TOX: variants seen among roughly 807,000 people sequenced by gnomAD.
TOX encodes the protein thymocyte selection-associated high mobility group box protein TOX.
Under a neutral mutation model 53.7 loss-of-function variants are expected in TOX, and 11 were observed. The observed-to-expected ratio is 0.20, with a 90% CI of 0.13 to 0.34. The LOEUF (loss-of-function observed/expected upper bound fraction) is 0.34, where lower values mean the gene tolerates loss of function less well. TOX is among the 10% of genes least tolerant of loss of function. The pLI, the probability that TOX is intolerant of heterozygous loss-of-function variation, is 1.00. For synonymous variants in TOX, 225 were observed against 245.3 expected (o/e 0.92, Z 0.77); for missense variants, 570 against 664.6 (o/e 0.86, Z 1.56).
chr8:58,969,126 C>A lies in TOX; in HGVS notation c.103-9118G>T, dbSNP rs1010419021. Among the ~76,000 whole-genome samples, 31 of 152,166 alleles carry A rather than the reference C, an allele frequency of 2.0e-4. 1 individual carries two copies. Among genetic ancestry groups the A allele is most frequent in the Non-Finnish European group, 1.5e-5 (1 of 68,028 alleles). ...GAAATAGACTTTTGGTGATTAAACT[C>A]TCCTGGGGTAAGACAGGTGTGGAAT... On this transcript the variant is annotated intron_variant, in intron 1 of 8. Coordinates refer to ENST00000361421, the MANE Select transcript of TOX (RefSeq NM_014729.3).
chr8:58,943,281 C>G (rs1812471999), intron 2 of TOX, among the ~76,000 whole-genome samples: 1 of 152,122 alleles, frequency 6.6e-6, no homozygotes, highest in Admixed American at 6.5e-5. Context: ...TGAAGGAAGT[C>G]ACAGCAGCAG....
intron 1 of TOX, among the ~76,000 whole-genome samples, chr8:59,100,673 G>C (rs1464535845): frequency 6.6e-6 from 1 of 152,076 alleles, no homozygotes; most frequent in African/African-American, 2.4e-5. Context: ...AATGCACAAC[G>C]ATGTTTACCT....
At chr8:58,953,608 T>G (rs1812660944) in intron 2 of TOX, among the ~76,000 whole-genome samples, 1 of 152,200 alleles carries the variant, frequency 6.6e-6, no homozygotes, top group Non-Finnish European at 1.5e-5. Flanking sequence ...AGTAATCATT[T>G]GAATGTTACA....
Position 58,914,826 on chromosome 8 carries a change from C to T in TOX, c.411+24476G>A, listed in dbSNP as rs374794447. On this transcript the variant is annotated intron_variant, in intron 3 of 8. Transcript: ENST00000361421. ...TCACTAGGGAGTGCCAGACAGTGGG[C>T]GCAGGCCAGTGTGTGCGCGCACCGT... Among the ~76,000 whole-genome samples the T allele has an allele frequency of 2.1e-3, 315 of 151,644 alleles. 1 individual carries two copies. The highest frequency in any genetic ancestry group is 4.2e-3 in the African/African-American group (175 of 41,266).
At chr8:59,046,121 G>C (rs1803677756) in intron 1 of TOX, among the ~76,000 whole-genome samples, 1 of 152,210 alleles carries the variant, frequency 6.6e-6, no homozygotes, top group African/African-American at 2.4e-5. Flanking sequence ...GCTAGCTGAT[G>C]ATTTTTACCC....
At chr8:59,085,194 T>C (rs1028497432) in intron 1 of TOX, among the ~76,000 whole-genome samples, 5 of 152,218 alleles carry the variant, frequency 3.3e-5, no homozygotes, top group Non-Finnish European at 5.9e-5. Context: ...TTCACTTTCA[T>C]GTGCAGATCA....
rs965340482 is a variant in TOX, at chr8:58,814,885, T to G, written c.1392+453A>C. 3.3e-5 allele frequency among the ~76,000 whole-genome samples: 5 copies of G among 152,348 alleles called. No homozygotes were observed. In the South Asian group the frequency reaches 1.0e-3, roughly 32 times the overall value. On this transcript the variant is annotated intron_variant, in intron 7 of 8. Transcript: ENST00000361421. Reference sequence around the variant, plus strand: ...GATTTGGTGTTGGACCTGATTTCATTTTTCAGCATTTATTGGACTCAAGAG... The same window carrying G: ...GATTTGGTGTTGGACCTGATTTCATGTTTCAGCATTTATTGGACTCAAGAG...
intron 3 of TOX, among the ~76,000 whole-genome samples, chr8:58,908,901 CT>C (rs1292339665): frequency 1.3e-5 from 2 of 152,148 alleles, no homozygotes; most frequent in Non-Finnish European, 2.9e-5. Flanking sequence ...AAAGTATTTT[CT>C]TATATGAAGT....
At chr8:59,012,118 C>T (rs1348807508) in intron 1 of TOX, among the ~76,000 whole-genome samples, 1 of 152,112 alleles carries the variant, frequency 6.6e-6, no homozygotes, top group African/African-American at 2.4e-5. Flanking sequence ...CCTTTTGTCT[C>T]TTTGATGTGG....
intron 1 of TOX, among the ~76,000 whole-genome samples, chr8:59,073,233 C>A (rs9792192): frequency 6.6e-6 from 1 of 151,990 alleles, no homozygotes; most frequent in Non-Finnish European, 1.5e-5. Flanking sequence ...CCTCTATCTG[C>A]GCTTCTGTTT....
intron 3 of TOX, among the ~76,000 whole-genome samples, chr8:58,869,846 C>T (rs1439509626): frequency 1.3e-5 from 2 of 151,304 alleles, no homozygotes; most frequent in African/African-American, 4.9e-5. Context: ...TCTATAGATG[C>T]AGTAAAAACA....
chr8:58,991,944 A>T (rs1442571065), intron 1 of TOX: 1 of 152,286 alleles, frequency 6.6e-6, no homozygotes, highest in Non-Finnish European at 1.5e-5. Context: ...CAGCGTGCTC[A>T]TCTTGGCCTC....
intron 1 of TOX, among the ~76,000 whole-genome samples, chr8:59,002,455 G>C (rs1476966934): frequency 6.6e-6 from 1 of 151,306 alleles, no homozygotes; most frequent in African/African-American, 2.4e-5. Context: ...AGCGGAGCGT[G>C]GTGGCAGGCG....
rs1449576651 is a variant in TOX at position 58,856,101 on chromosome 8, CT to C, written c.412-4297del. ...AAGACTGAAGTAAAAATGAAATATA[CT>C]TTTTTTACATACTTGTACTTTCCCC... On this transcript the variant is annotated intron_variant, in intron 3 of 8. Coordinates refer to ENST00000361421, the MANE Select transcript of TOX (RefSeq NM_014729.3). 1.5e-4 allele frequency among the ~76,000 whole-genome samples: 23 copies of C among 152,230 alleles called. 1 individual carries two copies. Among genetic ancestry groups the C allele is most frequent in the East Asian group, 3.9e-4 (2 of 5,182 alleles).
At chr8:58,872,062 G>A (rs1585871928) in intron 3 of TOX, among the ~76,000 whole-genome samples, 1 of 152,124 alleles carries the variant, frequency 6.6e-6, no homozygotes, top group East Asian at 1.9e-4. Flanking sequence ...TAAGTCTGGA[G>A]CATTTTTTTT....
At chr8:58,960,682 C>A (rs1812783655) in intron 1 of TOX, among the ~76,000 whole-genome samples, 2 of 152,106 alleles carry the variant, frequency 1.3e-5, no homozygotes, top group Admixed American at 1.3e-4. Context: ...CGCAAATTTT[C>A]AAGTTAGGAA....
At chr8:59,096,231 T>C (rs1221315701) in intron 1 of TOX, among the ~76,000 whole-genome samples, 2 of 152,256 alleles carry the variant, frequency 1.3e-5, no homozygotes, top group Non-Finnish European at 2.9e-5. Context: ...TTAATTAGTT[T>C]AATTTTCCAA....
intron 2 of TOX, among the ~76,000 whole-genome samples, chr8:58,950,188 T>G (rs1279447978): frequency 2.0e-5 from 3 of 148,074 alleles, no homozygotes; most frequent in South Asian, 4.4e-4. Flanking sequence ...AATATACAAT[T>G]ACATGTGTAT....
At chr8:59,007,270 G>A (rs933543162) in intron 1 of TOX, among the ~76,000 whole-genome samples, 1 of 150,584 alleles carries the variant, frequency 6.6e-6, no homozygotes, top group African/African-American at 2.5e-5. Context: ...TATACTTTAT[G>A]TCATTTGACA....
Sources: gnomAD v4.1 joint callset for allele counts (sites outside exome capture counted in the v4.1 genomes callset) on GRCh38, gnomAD v4.1.1 for gene constraint, MANE v1.5 for transcripts, NCBI Gene and HGNC (gene_info 2026-07-23, HGNC 2026-07-21) for gene names.